Variants in YAP1 observed in about 807,000 individuals in gnomAD.
The protein encoded by YAP1 is transcriptional coactivator YAP1.
A neutral mutation model predicts 56.9 loss-of-function variants in YAP1; 5 were observed. The ratio of observed to expected loss-of-function variants is 0.09; its 90% CI spans 0.05 to 0.18. The LOEUF (loss-of-function observed/expected upper bound fraction) is 0.18, where lower values mean the gene tolerates loss of function less well. YAP1 is among the 10% of genes least tolerant of loss of function. YAP1 has a pLI of 1.00. For synonymous variants in YAP1, 265 were observed against 248.1 expected (o/e 1.07, Z -0.64); for missense variants, 539 against 651.8 (o/e 0.83, Z 1.88).
intron 3 of YAP1, 30 bp from the exon 4 acceptor site, chr11:102,185,988 A>G: frequency 6.5e-7 from 1 of 1,527,120 alleles, no homozygotes; most frequent in Non-Finnish European, 8.8e-7. Flanking sequence ...AATAAAAACC[A>G]TGATTTTTTT....
intron 2 of YAP1, among the ~76,000 whole-genome samples, chr11:102,115,597 TTC>T (rs1372770276): frequency 5.0e-5 from 6 of 119,560 alleles, no homozygotes; most frequent in East Asian, 4.4e-4. Flanking sequence ...TTTTCTTTTC[TTC>T]TTTTTTTTTA....
At chr11:102,215,800 C>T (rs971341438) in intron 6 of YAP1, among the ~76,000 whole-genome samples, 1 of 152,002 alleles carries the variant, frequency 6.6e-6, no homozygotes, top group Non-Finnish European at 1.5e-5. Context: ...TTATATGCAA[C>T]GAACATAGTA....
intron 2 of YAP1, among the ~76,000 whole-genome samples, chr11:102,141,524 AGG>A (rs949753941): frequency 1.3e-5 from 2 of 152,238 alleles, no homozygotes; most frequent in African/African-American, 2.4e-5. Flanking sequence ...AATGTAGCTT[AGG>A]AACTCAGGAA....
At chr11:102,134,424 T>G (rs1044495878) in intron 2 of YAP1, among the ~76,000 whole-genome samples, 4 of 150,930 alleles carry the variant, frequency 2.7e-5, no homozygotes, top group African/African-American at 9.7e-5. Context: ...TTCAGAGGTA[T>G]GTACTTTGTC....
intron 3 of YAP1, 44 bp downstream of exon 3, chr11:102,162,615 G>A (rs773402080): frequency 1.0e-5 from 16 of 1,575,374 alleles, no homozygotes; most frequent in African/African-American, 4.0e-5. Context: ...TAATGCTTAC[G>A]CATTGGTAAA....
intron 8 of YAP1, among the ~76,000 whole-genome samples, chr11:102,228,804 A>C (rs953905662): frequency 6.6e-6 from 1 of 152,082 alleles, no homozygotes; most frequent in African/African-American, 2.4e-5. Flanking sequence ...AGGGAAATGA[A>C]GCTGTTCTTT....
intron 6 of YAP1, among the ~76,000 whole-genome samples, chr11:102,217,750 G>C (rs911172431): frequency 3.4e-4 from 51 of 151,958 alleles, no homozygotes; most frequent in Non-Finnish European, 1.6e-4. Flanking sequence ...GAGTGCAATG[G>C]CGCAATCTCA....
chr11:102,165,292 T>G (rs1946537020), intron 3 of YAP1, among the ~76,000 whole-genome samples: 1 of 152,034 alleles, frequency 6.6e-6, no homozygotes, highest in Non-Finnish European at 1.5e-5. Context: ...CCTGGGAAAT[T>G]GAGGCTACAG....
At chr11:102,208,264 TC>T (rs1949222603) in intron 5 of YAP1, among the ~76,000 whole-genome samples, 1 of 152,168 alleles carries the variant, frequency 6.6e-6, no homozygotes, top group Non-Finnish European at 1.5e-5. Flanking sequence ...CATGTCCCCT[TC>T]CCCTGTGAAG....
At chr11:102,141,895 C>A (rs899854236) in intron 2 of YAP1, among the ~76,000 whole-genome samples, 2 of 152,142 alleles carry the variant, frequency 1.3e-5, no homozygotes, top group Admixed American at 1.3e-4. Flanking sequence ...AATTCTGGAG[C>A]ATTGTTTTCC....
intron 3 of YAP1, among the ~76,000 whole-genome samples, chr11:102,163,005 G>A (rs1360217095): frequency 7.0e-6 from 1 of 142,136 alleles, no homozygotes; most frequent in Non-Finnish European, 1.5e-5. Flanking sequence ...TTTTTGCTAT[G>A]GTGTTCTTAA....
chr11:102,198,346 G>A (rs1948676563), intron 4 of YAP1, among the ~76,000 whole-genome samples: 2 of 152,054 alleles, frequency 1.3e-5, no homozygotes, highest in Non-Finnish European at 1.5e-5. Flanking sequence ...TCTAATTCTG[G>A]GAAACTGGTG....
intron 2 of YAP1, among the ~76,000 whole-genome samples, chr11:102,115,312 G>T (rs73577836): frequency 0.013 from 1,922 of 152,244 alleles, 43 homozygotes; most frequent in African/African-American, 0.044. Context: ...AGATAATAAA[G>T]TGAAAAACAG....
intron 2 of YAP1, among the ~76,000 whole-genome samples, chr11:102,140,709 T>G (rs12796162): frequency 0.47 from 71,881 of 151,734 alleles, 18,213 homozygotes; most frequent in African/African-American, 0.65. Context: ...CGGGCGTGGT[T>G]GTGCGCACCT....
chr11:102,221,330 T>TG (rs751558499), intron 6 of YAP1, among the ~76,000 whole-genome samples: 1 of 152,194 alleles, frequency 6.6e-6, no homozygotes, highest in Non-Finnish European at 1.5e-5. Flanking sequence ...TGTTTTTTTT[T>TG]AAAGTACAGG....
At chr11:102,197,868 C>T (rs185418880) in intron 4 of YAP1, among the ~76,000 whole-genome samples, 3 of 152,192 alleles carry the variant, frequency 2.0e-5, no homozygotes, top group African/African-American at 7.2e-5. Flanking sequence ...GAAACAAAGC[C>T]GGTTTTGTTT....
chr11:102,157,673 C>T (rs1205469558), intron 2 of YAP1, among the ~76,000 whole-genome samples: 2 of 152,148 alleles, frequency 1.3e-5, no homozygotes, highest in Non-Finnish European at 2.9e-5. Flanking sequence ...TGAGGTCTTA[C>T]ATATATTTAA....
At chr11:102,139,045 G>A (rs1441499498) in intron 2 of YAP1, among the ~76,000 whole-genome samples, 2 of 151,490 alleles carry the variant, frequency 1.3e-5, no homozygotes, top group African/African-American at 4.8e-5. Flanking sequence ...AAAGGCCCAT[G>A]AAAACAAGTT....
At chr11:102,120,392 A>G (rs77249942) in intron 2 of YAP1, among the ~76,000 whole-genome samples, 67 of 152,340 alleles carry the variant, frequency 4.4e-4, no homozygotes, top group African/African-American at 1.6e-3. Context: ...CAACCAAGTG[A>G]TAGTCTGTTG....
Sources: allele counts gnomAD v4.1 joint callset (sites outside exome capture counted in the v4.1 genomes callset), GRCh38; gene constraint gnomAD v4.1.1; transcripts MANE v1.5; gene names NCBI Gene and HGNC (gene_info 2026-07-23, HGNC 2026-07-21).